The following TMEM64 variants were observed in gnomAD, a reference collection of about 807,000 sequenced individuals.
TMEM64 encodes the protein transmembrane protein 64.
In TMEM64, 19 loss-of-function variants were observed where a neutral mutation model predicts 24.5. The ratio of observed to expected loss-of-function variants is 0.78; its 90% confidence interval spans 0.54 to 1.14. The LOEUF is 1.14. Among genes scored for constraint, TMEM64 ranks in the 50% most tolerant of loss-of-function variants. The pLI, the probability that TMEM64 is intolerant of heterozygous loss-of-function variation, is 0.00. For synonymous variants in TMEM64, 262 were observed against 224.7 expected (o/e 1.17, Z -1.49); for missense variants, 487 against 493.0 (o/e 0.99, Z 0.12).
chr8:90,635,407 T>TA (rs56922668), intron 1 of TMEM64, among the ~76,000 whole-genome samples: 3 of 150,880 alleles, frequency 2.0e-5, no homozygotes, highest in African/African-American at 7.4e-5. Context: ...TATTTTATTT[T>TA]TTTTGAGACG....
chr8:90,644,667 C>T (rs1427312245), intron 1 of TMEM64, among the ~76,000 whole-genome samples: 1 of 152,172 alleles, frequency 6.6e-6, no homozygotes, highest in African/African-American at 2.4e-5. Flanking sequence ...CTAGCTCCTC[C>T]ACTGTTTACT....
rs1201788565 is a variant in TMEM64, at chr8:90,625,710, C to T, written c.1104G>A (p.Arg368=). The change falls in exon 3 of 3, where the codon AGG becomes AGA. Residue 368 remains arginine (R), a synonymous_variant. Transcript: ENST00000458549. ...NTSGSSFYNK[R]TLTFSGGGIN... ...TTCCACCTCCAGAAAATGTTAGGGT[C>T]CTCTTGTTGTAGAATGAAGAGCCAC... The T allele has an allele frequency of 1.2e-6, 2 of 1,613,724 alleles. No homozygotes were observed. Among genetic ancestry groups the T allele is most frequent in the Non-Finnish European group, 1.7e-6 (2 of 1,179,894 alleles).
In TMEM64 at chr8:90,645,254, T is replaced by C. The variant is rs775719726; in HGVS notation, c.652A>G (p.Thr218Ala). 6 of 1,612,528 alleles carry C rather than the reference T, an allele frequency of 3.7e-6. No homozygotes were observed. The African/African-American group carries it at 4.0e-5, about 11-fold the overall frequency. Residue 218 changes from threonine (T) to alanine (A), a missense_variant, in exon 1 of 3, where the codon ACC becomes GCC. Physicochemically the swap from Thr to Ala is moderately conservative, Grantham distance 58. Transcript: ENST00000458549. This position sits in a 1 kb window ranked among gnomAD's most constrained non-coding sequence, Gnocchi z 4.2. The stretch of plus-strand genomic sequence containing the variant: ...TGGATCCTGGCGGCCACCCAGGCGG[T>C]GAGGAGCCGCTTGCAGACCACATGG... ...IAHVVCKRLL[T>A]AWVAARIQSS...
chr8:90,628,841 C>T (rs1370928717), intron 2 of TMEM64, among the ~76,000 whole-genome samples: 2 of 152,142 alleles, frequency 1.3e-5, no homozygotes, highest in Non-Finnish European at 2.9e-5. Context: ...ATTAGGGATA[C>T]TCAACAGGTA....
At chr8:90,634,566 T>A (rs1809486855) in intron 1 of TMEM64, among the ~76,000 whole-genome samples, 1 of 152,218 alleles carries the variant, frequency 6.6e-6, no homozygotes, top group African/African-American at 2.4e-5. Flanking sequence ...TGCAAATTAA[T>A]CTGGATAGAC....
intron 1 of TMEM64, among the ~76,000 whole-genome samples, chr8:90,639,859 G>A (rs10102274): frequency 1.8e-4 from 27 of 151,980 alleles, no homozygotes; most frequent in African/African-American, 5.3e-4. Context: ...TAATAACCTC[G>A]TTGCTTTTAA....
intron 2 of TMEM64, among the ~76,000 whole-genome samples, chr8:90,631,022 T>C (rs934331778): frequency 1.3e-5 from 2 of 152,200 alleles, no homozygotes; most frequent in Admixed American, 1.3e-4. Context: ...ATACAAGTCT[T>C]ATTTGGACTT....
At chr8:90,633,625 T>C (rs1406635061) in intron 1 of TMEM64, among the ~76,000 whole-genome samples, 1 of 152,266 alleles carries the variant, frequency 6.6e-6, no homozygotes, top group African/African-American at 2.4e-5. Context: ...TTCACAATGA[T>C]TTAACACACC....
Position 90,622,315 on chromosome 8 carries a change from G to A in TMEM64, c.*3356C>T, listed in dbSNP as rs1319142813. On this transcript the variant is annotated 3_prime_UTR_variant, in exon 3 of 3. Coordinates refer to ENST00000458549, the MANE Select transcript of TMEM64 (RefSeq NM_001008495.4). ...TAAAAAGATTACATCCTAAATACTTGATTACAACAGAAATCGACCAATCTA... is the reference window on the plus strand; with the variant it reads ...TAAAAAGATTACATCCTAAATACTTAATTACAACAGAAATCGACCAATCTA... The A allele has an allele frequency of 6.6e-6, 1 of 152,126 alleles. No homozygotes were observed. The highest frequency in any genetic ancestry group is 2.4e-5 in the African/African-American group (1 of 41,430). 9.4% of individuals were successfully genotyped at this position (152,126 alleles called of 1,614,324 possible).
At chr8:90,640,276 C>T (rs757584544) in intron 1 of TMEM64, among the ~76,000 whole-genome samples, 2 of 151,970 alleles carry the variant, frequency 1.3e-5, no homozygotes, top group Non-Finnish European at 1.5e-5. Context: ...GTATTATGAC[C>T]GATCATATCT....
intron 1 of TMEM64, among the ~76,000 whole-genome samples, chr8:90,635,998 C>CTCAACTCAACA (rs1314417426): frequency 6.6e-6 from 1 of 152,222 alleles, no homozygotes; most frequent in Non-Finnish European, 1.5e-5. Flanking sequence ...AACTCCACCA[C>CTCAACTCAACA]TCAACTCAAC....
At chr8:90,644,022 C>CT (rs1349766062) in intron 1 of TMEM64, among the ~76,000 whole-genome samples, 1 of 152,166 alleles carries the variant, frequency 6.6e-6, no homozygotes, top group East Asian at 1.9e-4. Context: ...TTTCCAGAAA[C>CT]TAACAATAAT....
rs1386648874 is a variant in TMEM64, at chr8:90,625,012, C to CAGTGAAAATAAACAGTTATATT, written c.*637_*658dup. 4 of 152,518 alleles carry CAGTGAAAATAAACAGTTATATT rather than the reference C, an allele frequency of 2.6e-5. No homozygotes were observed. Among genetic ancestry groups the CAGTGAAAATAAACAGTTATATT allele is most frequent in the Admixed American group, 2.6e-4 (4 of 15,272 alleles). 9.4% of individuals were successfully genotyped at this position (152,518 alleles called of 1,614,324 possible). On this transcript the variant is annotated 3_prime_UTR_variant, in exon 3 of 3. Transcript: ENST00000458549. ...TTTCCCTTTTGCTTTGCATATTACA[C>CAGTGAAAATAAACAGTTATATT]AGTGAAAATAAACAGTTATATTAAG...
At chr8:90,628,265 C>A (rs1435713076) in intron 2 of TMEM64, among the ~76,000 whole-genome samples, 10 of 152,168 alleles carry the variant, frequency 6.6e-5, no homozygotes, top group Admixed American at 5.9e-4. Flanking sequence ...GGAAAGCAAG[C>A]TAAGCAGGGG....
intron 1 of TMEM64, among the ~76,000 whole-genome samples, chr8:90,639,125 A>G (rs1809564239): frequency 6.6e-6 from 1 of 152,056 alleles, no homozygotes; most frequent in South Asian, 2.1e-4. Flanking sequence ...AAAAAAAAAA[A>G]AAGAACAAGA....
chr8:90,629,035 C>T (rs971943727), intron 2 of TMEM64, among the ~76,000 whole-genome samples: 1 of 152,096 alleles, frequency 6.6e-6, no homozygotes, highest in Non-Finnish European at 1.5e-5. Context: ...ATTTGTGGCT[C>T]GTTTCTAGAA....
intron 1 of TMEM64, among the ~76,000 whole-genome samples, chr8:90,633,640 A>G (rs910575088): frequency 1.3e-5 from 2 of 152,252 alleles, no homozygotes; most frequent in African/African-American, 4.8e-5. Flanking sequence ...CACACCTGTC[A>G]GTATGTGATA....
rs757588639 is a variant in TMEM64, at chr8:90,631,651, A to G, written c.852T>C (p.Pro284=). ...CCAAGTAAGAATTCAGAAGCTGGGT[A>G]GGAAGCAGTCCAACCGAAGATGCCA... ...YLMASSVGLL[P]TQLLNSYLGT... The change falls in exon 2 of 3, where the codon CCT becomes CCC. Residue 284 remains proline, a synonymous_variant. Coordinates refer to ENST00000458549, the MANE Select transcript of TMEM64 (RefSeq NM_001008495.4). 58 of 1,613,742 alleles carry G rather than the reference A, an allele frequency of 3.6e-5. 1 individual carries two copies. In the South Asian group the frequency reaches 4.3e-4, roughly 12 times the overall value.
At chr8:90,642,389 CA>C (rs573305738) in intron 1 of TMEM64, among the ~76,000 whole-genome samples, 8 of 146,392 alleles carry the variant, frequency 5.5e-5, no homozygotes, top group Non-Finnish European at 1.2e-4. Context: ...TATGGGCACA[CA>C]AAAAAAATGA....
Sources: allele counts gnomAD v4.1 joint callset (sites outside exome capture counted in the v4.1 genomes callset), GRCh38; gene constraint gnomAD v4.1.1; non-coding constraint Gnocchi (gnomAD v3.1); transcripts MANE v1.5; gene names NCBI Gene and HGNC (gene_info 2026-07-23, HGNC 2026-07-21).